The following PLEKHH2 variants were observed in gnomAD, a reference collection of about 807,000 sequenced individuals.
The protein encoded by PLEKHH2 is pleckstrin homology, MyTH4 and FERM domain containing H2.
Under a neutral mutation model 187.9 loss-of-function variants are expected in PLEKHH2, and 129 were observed. That is an observed-to-expected ratio of 0.69 (90% CI 0.59 to 0.79). The LOEUF is 0.79. PLEKHH2 is among the 30% of genes least tolerant of loss of function. The pLI is 0.00. For synonymous variants in PLEKHH2, 686 were observed against 605.6 expected (o/e 1.13, Z -1.95); for missense variants, 2,076 against 1,751.2 (o/e 1.19, Z -3.31).
intron 18 of PLEKHH2, among the ~76,000 whole-genome samples, chr2:43,730,831 T>G (rs1225907267): frequency 1.3e-5 from 2 of 152,248 alleles, no homozygotes; most frequent in African/African-American, 4.8e-5. Flanking sequence ...ATTTTAGGAA[T>G]GCCTTCAAGT....
intron 3 of PLEKHH2, chr2:43,681,592 C>A (rs1193832480): frequency 5.1e-5 from 42 of 820,494 alleles, no homozygotes; most frequent in South Asian, 5.1e-4. Context: ...TGACTAGTGC[C>A]TCTTTTTGGA....
At chr2:43,683,862 T>C (rs1331347050) in intron 3 of PLEKHH2, among the ~76,000 whole-genome samples, 4 of 152,178 alleles carry the variant, frequency 2.6e-5, no homozygotes, top group Non-Finnish European at 5.9e-5. Context: ...TATTGCTTTT[T>C]TAAAAACAGA....
At position 43,678,195 on chromosome 2, in the gene PLEKHH2, G is replaced by A. The variant is rs1042042341; in HGVS notation, c.124-668G>A. On this transcript the variant is annotated intron_variant, in intron 2 of 29. Transcript: ENST00000282406. Reference sequence around the variant, plus strand: ...CTCCTCACTTCCTAGATGGGATGGCGGCCGGGCAGAGATGCTCCTCACTTT... The same window carrying A: ...CTCCTCACTTCCTAGATGGGATGGCAGCCGGGCAGAGATGCTCCTCACTTT... Among the ~76,000 whole-genome samples, 40 of 151,772 alleles carry A rather than the reference G, an allele frequency of 2.6e-4. 1 individual carries two copies. The Middle Eastern group carries it at 0.014, about 52-fold the overall frequency.
At chr2:43,689,326 A>G (rs986616771) in intron 3 of PLEKHH2, among the ~76,000 whole-genome samples, 1 of 152,232 alleles carries the variant, frequency 6.6e-6, no homozygotes, top group Non-Finnish European at 1.5e-5. Flanking sequence ...GTAAAGAAGC[A>G]AAGTAGCCTA....
chr2:43,676,273 C>T (rs1367594167), intron 2 of PLEKHH2: 1 of 1,613,412 alleles, frequency 6.2e-7, no homozygotes, highest in African/African-American at 1.3e-5. Flanking sequence ...CCAGGAAATG[C>T]TCCCAAGCAA....
rs573293851 is a variant in PLEKHH2, at chr2:43,706,515, A to C, written c.1821+99A>C. ...CCAGATTCCATTCTTAACATTTTAC[A>C]CAGGCTCTCCCTTTATAGAAAGTTT... is the stretch of plus-strand genomic sequence containing the variant. On this transcript the variant is annotated intron_variant, in intron 10 of 29. Coordinates refer to ENST00000282406, the MANE Select transcript of PLEKHH2 (RefSeq NM_172069.4). 102 of 851,710 alleles carry C rather than the reference A, an allele frequency of 1.2e-4. 3 individuals carry two copies. In the South Asian group the frequency reaches 1.6e-3, roughly 13 times the overall value. The allele number at this position is 851,710 out of a possible 1,614,324, so 52.8% of individuals were successfully genotyped here.
chr2:43,686,359 G>T (rs1045493463), intron 3 of PLEKHH2, among the ~76,000 whole-genome samples: 11 of 152,124 alleles, frequency 7.2e-5, no homozygotes, highest in Non-Finnish European at 4.4e-5. Context: ...ACCACACCTG[G>T]CTAATTTTTG....
Position 43,677,908 on chromosome 2 carries a change from G to T in PLEKHH2, c.124-955G>T, listed in dbSNP as rs554184027. On this transcript the variant is annotated intron_variant, in intron 2 of 29. Coordinates refer to ENST00000282406, the MANE Select transcript of PLEKHH2 (RefSeq NM_172069.4). ...TCTCCCCACCTCCCTCCAGGACGGG[G>T]CGGCTGGCCGGGCGGGGGGCTGATC... Among the ~76,000 whole-genome samples the T allele has an allele frequency of 3.2e-4, 14 of 43,538 alleles. No homozygotes were observed. In the South Asian group the frequency reaches 5.9e-3, roughly 18 times the overall value. The allele number at this position is 43,538 out of a possible 152,430, so 28.6% of individuals were successfully genotyped here.
chr2:43,710,210 T>G lies in PLEKHH2; in HGVS notation c.2104-10T>G. On this transcript the variant is annotated splice_polypyrimidine_tract_variant and intron_variant, in intron 12 of 29. Coordinates refer to ENST00000282406, the MANE Select transcript of PLEKHH2 (RefSeq NM_172069.4). Reference sequence around the variant, plus strand: ...ACTGAAAATGCTTTTGTCTATCTTTTAAAAATTAGGAACCACTGGAAAAAT... The same window carrying G: ...ACTGAAAATGCTTTTGTCTATCTTTGAAAAATTAGGAACCACTGGAAAAAT... 1 of 1,612,858 alleles carries G rather than the reference T, an allele frequency of 6.2e-7. No individual in the cohort carries two copies. Among genetic ancestry groups the G allele is most frequent in the South Asian group, 1.1e-5 (1 of 90,878 alleles).
In PLEKHH2 at chr2:43,700,419, T is replaced by C; in HGVS notation, c.1461T>C (p.Thr487=). 6.2e-7 allele frequency: 1 copy of C among 1,614,106 alleles called. No homozygotes were observed. The highest frequency in any genetic ancestry group is 8.5e-7 in the Non-Finnish European group (1 of 1,180,004). Residue 487 remains threonine (T), a synonymous_variant, in exon 8 of 30, where the codon ACT becomes ACC. Coordinates refer to ENST00000282406, the MANE Select transcript of PLEKHH2 (RefSeq NM_172069.4). ...SMIRPLRPQE[T]DLDLVDGDST... is the part of the protein sequence containing the mutation. Reference sequence around the variant, plus strand: ...TACGACCACTGAGACCTCAGGAAACTGATCTTGATCTAGTTGATGGAGACA... The same window carrying C: ...TACGACCACTGAGACCTCAGGAAACCGATCTTGATCTAGTTGATGGAGACA...
intron 3 of PLEKHH2, chr2:43,681,602 A>T: frequency 1.3e-6 from 1 of 767,296 alleles, no homozygotes; most frequent in South Asian, 1.5e-5. Flanking sequence ...CTCTTTTTGG[A>T]GCTGTACACG....
chr2:43,720,879 T>C (rs1374172981), intron 16 of PLEKHH2, 130 bp downstream of exon 16: 10 of 1,363,926 alleles, frequency 7.3e-6, no homozygotes, highest in East Asian at 5.1e-5. Context: ...TGGTATAATT[T>C]GGTGCAACTG....
chr2:43,743,038 A>G (rs761164709), intron 22 of PLEKHH2, 120 bp downstream of exon 22: 63 of 730,996 alleles, frequency 8.6e-5, no homozygotes, highest in Middle Eastern at 2.7e-4. Context: ...ATGCAAATAT[A>G]TTAGATTTAC....
chr2:43,655,346 G>C (rs1311525588), intron 2 of PLEKHH2, among the ~76,000 whole-genome samples: 1 of 152,100 alleles, frequency 6.6e-6, no homozygotes, highest in South Asian at 2.1e-4. Flanking sequence ...TGAAGGAAAG[G>C]TTAGGAAATC....
At chr2:43,694,049 A>G (rs994842511) in intron 4 of PLEKHH2, among the ~76,000 whole-genome samples, 1 of 152,116 alleles carries the variant, frequency 6.6e-6, no homozygotes, top group Admixed American at 6.5e-5. Context: ...TTTGAAAGCT[A>G]GTATTTGAGG....
At position 43,738,580 on chromosome 2, in the gene PLEKHH2, A is replaced by G; in HGVS notation, c.3123+60A>G. ...TAAAGTGTTTTTTTTTCTGATTGTA[A>G]GAATGATACACATTCAGCATAGACA... is the stretch of plus-strand genomic sequence containing the variant. On this transcript the variant is annotated intron_variant, in intron 20 of 29. Coordinates refer to ENST00000282406, the MANE Select transcript of PLEKHH2 (RefSeq NM_172069.4). 2.1e-6 allele frequency: 3 copies of G among 1,433,276 alleles called. No individual in the cohort carries two copies. In the South Asian group the frequency reaches 4.1e-5, roughly 20 times the overall value. 88.8% of individuals were successfully genotyped at this position (1,433,276 alleles called of 1,614,324 possible).
chr2:43,678,728 A>AGAGGTGGAAGTG (rs1214149969), intron 2 of PLEKHH2, 135 bp from the exon 3 acceptor site: 4 of 403,646 alleles, frequency 9.9e-6, no homozygotes, highest in African/African-American at 2.6e-5. Flanking sequence ...GACCGTGGGT[A>AGAGGTGGAAGTG]GAGGTGGAAG....
At position 43,720,672 on chromosome 2, in the gene PLEKHH2, A is replaced by T; in HGVS notation, c.2464A>T (p.Lys822Ter). Residue 822 changes from lysine (K) to a stop codon, truncating the protein, a stop_gained, in exon 16 of 30, where the codon AAA becomes TAA. Coordinates refer to ENST00000282406, the MANE Select transcript of PLEKHH2 (RefSeq NM_172069.4). LOFTEE classifies it high-confidence loss of function. ...ATTCATTGAAATATGGTTTCAGGTA[A>T]AACATGGATATTCCAAGAGAGTCTG... is the stretch of plus-strand genomic sequence containing the variant. ...PTMKGLLTKVKHGYSKRVWCT... is the reference protein window; with the variant it reads ...PTMKGLLTKV The T allele has an allele frequency of 6.2e-7, 1 of 1,606,154 alleles. No individual in the cohort carries two copies. The highest frequency in any genetic ancestry group is 8.5e-7 in the Non-Finnish European group (1 of 1,177,918).
chr2:43,656,651 A>T (rs1364548370), intron 2 of PLEKHH2, among the ~76,000 whole-genome samples: 1 of 152,240 alleles, frequency 6.6e-6, no homozygotes, highest in East Asian at 1.9e-4. Flanking sequence ...TGATTTAGCC[A>T]TTCCACGATG....
Sources: gnomAD v4.1 joint callset for allele counts (sites outside exome capture counted in the v4.1 genomes callset) on GRCh38, gnomAD v4.1.1 for gene constraint, MANE v1.5 for transcripts, NCBI Gene and HGNC (gene_info 2026-07-23, HGNC 2026-07-21) for gene names.